Variants in USP33 observed in about 807,000 individuals in gnomAD.
USP33 encodes ubiquitin specific peptidase 33.
A neutral mutation model predicts 124.2 loss-of-function variants in USP33; 46 were observed. The observed-to-expected ratio is 0.37, with a 90% CI of 0.29 to 0.47. The LOEUF (loss-of-function observed/expected upper bound fraction) is 0.47, where lower values mean the gene tolerates loss of function less well. USP33 is among the 20% of genes least tolerant of loss of function. The probability of loss-of-function intolerance (pLI) is 0.99; values close to 1 mark genes in which losing one functional copy is unlikely to be tolerated. For synonymous variants in USP33, 350 were observed against 352.3 expected, an observed-to-expected ratio of 0.99 and a Z score of 0.07; for missense variants, 851 against 1,070.6, an observed-to-expected ratio of 0.79 and a Z score of 2.86.
Position 77,729,916 on chromosome 1 carries a change from T to C in USP33, c.661A>G (p.Thr221Ala). ...KSRPGSVVPT[T>A]LFQGIKTVNP... ...ACAGTTTTAATTCCTTGAAACAGAG[T>C]AGTAGGCACAACAGATCCTGGCCTG... Residue 221 changes from threonine (T) to alanine (A), a missense_variant, in exon 9 of 24, where the codon ACT becomes GCT. Thr to Ala is a moderately conservative substitution (Grantham distance 58). Transcript: ENST00000370794. 1.2e-6 allele frequency: 2 copies of C among 1,613,642 alleles called. No homozygotes were observed. The highest frequency in any genetic ancestry group is 2.2e-5 in the South Asian group (2 of 90,994).
chr1:77,704,792 T>C (rs1164180432), intron 21 of USP33, among the ~76,000 whole-genome samples: 1 of 152,258 alleles, frequency 6.6e-6, no homozygotes, highest in Non-Finnish European at 1.5e-5. Flanking sequence ...GGTTTTGTTT[T>C]GTTATTTAGG....
At chr1:77,742,039 CTCTCA>C (rs1439191817) in intron 1 of USP33, among the ~76,000 whole-genome samples, 2 of 151,612 alleles carry the variant, frequency 1.3e-5, no homozygotes, top group African/African-American at 4.9e-5. Flanking sequence ...TGCTTTTCCC[CTCTCA>C]TTTCACTTTT....
chr1:77,735,421 T>C (rs2101514968), intron 6 of USP33, among the ~76,000 whole-genome samples: 1 of 152,304 alleles, frequency 6.6e-6, no homozygotes. Flanking sequence ...TTGATAAGTA[T>C]CCAGTAAAAT....
At position 77,696,615 on chromosome 1, in the gene USP33, T is replaced by G. The variant is rs2101136367; in HGVS notation, c.*702A>C. On this transcript the variant is annotated 3_prime_UTR_variant, in exon 24 of 24. Coordinates refer to ENST00000370794, the MANE Select transcript of USP33 (RefSeq NM_201624.3). ...TGAAGCCATGACAAAACTATACAAT[T>G]AAATTGGGCTTTTGGAGAACTGAAA... The G allele has an allele frequency of 6.6e-6, 1 of 152,346 alleles. No homozygotes were observed. Among genetic ancestry groups the G allele is most frequent in the Middle Eastern group, 3.4e-3 (1 of 294 alleles). The allele number at this position is 152,346 out of a possible 1,614,324, so 9.4% of individuals were successfully genotyped here.
At chr1:77,750,663 A>AGAAAGAAAGAAAGAAAGAAAGAAAGAAAG (rs1553201899) in intron 1 of USP33, among the ~76,000 whole-genome samples, 46 of 150,280 alleles carry the variant, frequency 3.1e-4, no homozygotes, top group East Asian at 1.2e-3. Context: ...AAAGAAAGAA[A>AGAAAGAAAGAAAGAAAGAAAGAAAGAAAG]GAAAGAAAGA....
chr1:77,739,520 G>C (rs1678878072), intron 4 of USP33, 103 bp from the exon 5 acceptor site: 1 of 1,104,240 alleles, frequency 9.1e-7, no homozygotes, highest in East Asian at 2.8e-5. Flanking sequence ...CCTTTGATGA[G>C]TAACAATATA....
rs200036374 is a variant in USP33, at chr1:77,736,075, T to C, written c.435A>G (p.Glu145=). ...ATTTACCTCTGGCCCTAAGTTCATC[T>C]TCTTCATCCGCTTCTATATCCAGAT... The part of the protein sequence containing the change: ...FDDLDIEADE[E]DELRARGLTG... The change falls in exon 6 of 24, where the codon GAA becomes GAG. Residue 145 remains glutamate, a synonymous_variant. Coordinates refer to ENST00000370794, the MANE Select transcript of USP33 (RefSeq NM_201624.3). 6.8e-6 allele frequency: 11 copies of C among 1,611,996 alleles called. No homozygotes were observed. The East Asian group carries it at 2.0e-4, about 29-fold the overall frequency.
chr1:77,719,123 G>A (rs1676267153), intron 15 of USP33, among the ~76,000 whole-genome samples: 3 of 152,012 alleles, frequency 2.0e-5, no homozygotes, highest in Non-Finnish European at 4.4e-5. Flanking sequence ...CACTTTGGGA[G>A]GCCAAGGCGG....
At chr1:77,704,223 G>A (rs1674363818) in intron 21 of USP33, among the ~76,000 whole-genome samples, 1 of 152,168 alleles carries the variant, frequency 6.6e-6, no homozygotes, top group Admixed American at 6.6e-5. Flanking sequence ...CAATGAAATG[G>A]AAAATGCTGT....
At chr1:77,752,726 T>C (rs988979653) in intron 1 of USP33, among the ~76,000 whole-genome samples, 2 of 152,136 alleles carry the variant, frequency 1.3e-5, no homozygotes, top group African/African-American at 4.8e-5. Context: ...GCTAGTAAAA[T>C]ATAAACTTAA....
At chr1:77,720,623 T>A in intron 15 of USP33, 1 of 985,414 alleles carries the variant, frequency 1.0e-6, no homozygotes, top group Non-Finnish European at 1.2e-6. Flanking sequence ...CCAGTTCACT[T>A]TGCCTCACAA....
In USP33 at chr1:77,713,183, T is replaced by C; in HGVS notation, c.2297+17A>G. ...CCGACTTTCACAACACTGTATGGTC[T>C]GATTTAAAAAACAAACCTGCTATAT... On this transcript the variant is annotated intron_variant, in intron 20 of 23. Coordinates refer to ENST00000370794, the MANE Select transcript of USP33 (RefSeq NM_201624.3). 6.3e-7 allele frequency: 1 copy of C among 1,596,122 alleles called. No homozygotes were observed. Among genetic ancestry groups the C allele is most frequent in the Non-Finnish European group, 8.5e-7 (1 of 1,173,624 alleles).
intron 11 of USP33, among the ~76,000 whole-genome samples, chr1:77,724,180 G>A (rs76800270): frequency 7.6e-4 from 115 of 152,018 alleles, no homozygotes; most frequent in African/African-American, 2.4e-3. Context: ...GAAGGGGTTC[G>A]GTCTCCCTAT....
chr1:77,700,508 TG>T (rs1411633502), intron 22 of USP33, among the ~76,000 whole-genome samples: 1 of 152,092 alleles, frequency 6.6e-6, no homozygotes, highest in Non-Finnish European at 1.5e-5. Context: ...ACTCAGGAGA[TG>T]GAGGTAGGAG....
At chr1:77,713,082 T>C in intron 20 of USP33, 118 bp downstream of exon 20, 1 of 771,690 alleles carries the variant, frequency 1.3e-6, no homozygotes, top group Non-Finnish European at 2.1e-6. Context: ...TTAGAATGAA[T>C]AAGTAAGGGA....
At chr1:77,713,749 T>C (rs1279298513) in intron 19 of USP33, among the ~76,000 whole-genome samples, 2 of 152,046 alleles carry the variant, frequency 1.3e-5, no homozygotes, top group Non-Finnish European at 2.9e-5. Context: ...TGCAGCAGCA[T>C]GACCATGGCT....
At chr1:77,725,458 T>C (rs1677055205) in intron 11 of USP33, among the ~76,000 whole-genome samples, 164 bp downstream of exon 11, 2 of 152,206 alleles carry the variant, frequency 1.3e-5, no homozygotes, top group Admixed American at 6.5e-5. Context: ...AAAAGCAGAG[T>C]ACCAACACAC....
At chr1:77,746,942 C>T (rs1448079486) in intron 1 of USP33, among the ~76,000 whole-genome samples, 2 of 152,158 alleles carry the variant, frequency 1.3e-5, no homozygotes, top group Non-Finnish European at 2.9e-5. Flanking sequence ...ATCCTGACAA[C>T]CAGTAAGTTT....
intron 1 of USP33, among the ~76,000 whole-genome samples, chr1:77,742,577 A>AT (rs34380322): frequency 0.42 from 63,966 of 151,994 alleles, 15,727 homozygotes; most frequent in African/African-American, 0.68. Flanking sequence ...AACTTTACTG[A>AT]TCCACAGTGT....
Sources: allele counts gnomAD v4.1 joint callset (sites outside exome capture counted in the v4.1 genomes callset), GRCh38; gene constraint gnomAD v4.1.1; transcripts MANE v1.5; gene names NCBI Gene and HGNC (gene_info 2026-07-23, HGNC 2026-07-21).